The following HIRA variants were observed in gnomAD, a reference collection of about 807,000 sequenced individuals.
HIRA encodes protein HIRA.
A neutral mutation model predicts 126.6 loss-of-function variants in HIRA; 13 were observed. The ratio of observed to expected loss-of-function variants is 0.10; its 90% CI spans 0.07 to 0.16. HIRA has a LOEUF of 0.16. HIRA is among the 10% of genes least tolerant of loss of function. HIRA has a pLI of 1.00. For synonymous variants in HIRA, 511 were observed against 520.0 expected (o/e 0.98, Z 0.24); for missense variants, 834 against 1,314.4 (o/e 0.63, Z 5.65).
intron 3 of HIRA, 98 bp from the exon 4 acceptor site, chr22:19,407,372 T>C (rs2089316630): frequency 2.2e-6 from 2 of 908,758 alleles, no homozygotes; most frequent in East Asian, 2.5e-5. Context: ...TAAAATCTAA[T>C]CTATCTAATC....
chr22:19,418,414 G>C (rs985337238), intron 1 of HIRA, among the ~76,000 whole-genome samples: 2 of 151,870 alleles, frequency 1.3e-5, no homozygotes, highest in African/African-American at 2.4e-5. Flanking sequence ...CATGAGGTCA[G>C]GAGATTGAGA....
At chr22:19,421,861 G>A (rs907517887) in intron 1 of HIRA, among the ~76,000 whole-genome samples, 4 of 152,074 alleles carry the variant, frequency 2.6e-5, no homozygotes, top group African/African-American at 4.8e-5. Context: ...TAGTAGAGAC[G>A]CATTTTTGCC....
rs1224024599 is a variant in HIRA at position 19,405,786 on chromosome 22, C to T, written c.397G>A (p.Asp133Asn). ...CVSILRNHSGDVMDVAWSPHD... is the reference protein window; with the variant it reads ...CVSILRNHSGNVMDVAWSPHD... ...CACCCCAACAGGCAGTCCCACTCAC[C>T]GCCTGAATGATTCCGGAGGATAGAG... Residue 133 changes from aspartate to asparagine, a missense_variant and splice_region_variant, in exon 5 of 25, where the codon GAT becomes AAT. By Grantham distance (23) the Asp-to-Asn change is conservative. Transcript: ENST00000263208. 2 of 1,440,794 alleles carry T rather than the reference C, an allele frequency of 1.4e-6. No individual in the cohort carries two copies. The highest frequency in any genetic ancestry group is 1.8e-6 in the Non-Finnish European group (2 of 1,086,844). 89.3% of individuals were successfully genotyped at this position (1,440,794 alleles called of 1,614,324 possible). A position where few individuals can be genotyped will look rare whatever the true frequency, so the allele number is the denominator to read the frequency against.
intron 1 of HIRA, among the ~76,000 whole-genome samples, chr22:19,429,327 G>A (rs756515106): frequency 3.3e-5 from 5 of 151,816 alleles, no homozygotes; most frequent in Admixed American, 6.6e-5. Flanking sequence ...TAGTAGAGAC[G>A]GGGTTTCACC....
intron 24 of HIRA, among the ~76,000 whole-genome samples, chr22:19,335,037 A>G (rs2088549063): frequency 6.6e-6 from 1 of 152,134 alleles, no homozygotes; most frequent in South Asian, 2.1e-4. Flanking sequence ...GCTCTAGGGC[A>G]TATAACATAC....
At chr22:19,388,058 A>G (rs888531081) in intron 10 of HIRA, among the ~76,000 whole-genome samples, 7 of 152,192 alleles carry the variant, frequency 4.6e-5, no homozygotes, top group Non-Finnish European at 7.4e-5. Context: ...CTCCTTTACC[A>G]TATGTTCTGT....
intron 15 of HIRA, among the ~76,000 whole-genome samples, chr22:19,368,974 C>A (rs1297741391): frequency 1.3e-5 from 2 of 152,184 alleles, no homozygotes; most frequent in African/African-American, 2.4e-5. Flanking sequence ...GGGAACTGCA[C>A]CTCCCCAGCC....
chr22:19,369,373 C>T (rs2088943672), intron 15 of HIRA, among the ~76,000 whole-genome samples: 2 of 152,134 alleles, frequency 1.3e-5, no homozygotes, highest in Non-Finnish European at 2.9e-5. Context: ...AATGAAGGAA[C>T]AACAGCAGGA....
intron 1 of HIRA, among the ~76,000 whole-genome samples, chr22:19,420,416 T>C (rs1475655865): frequency 7.5e-6 from 1 of 133,124 alleles, no homozygotes; most frequent in East Asian, 2.2e-4. Flanking sequence ...CAGTGAGCCG[T>C]GATCACGCCA....
chr22:19,395,022 A>G (rs554789187), intron 7 of HIRA, among the ~76,000 whole-genome samples: 4 of 152,212 alleles, frequency 2.6e-5, no homozygotes, highest in Admixed American at 2.6e-4. Flanking sequence ...GCCTCACCCA[A>G]AGGGTGGTGA....
intron 13 of HIRA, among the ~76,000 whole-genome samples, chr22:19,381,516 T>C (rs759209212): frequency 3.3e-5 from 5 of 152,242 alleles, no homozygotes; most frequent in Non-Finnish European, 7.3e-5. Flanking sequence ...CCAAAACGCC[T>C]ATTAAGCATC....
chr22:19,415,369 T>C (rs909336979), intron 1 of HIRA, among the ~76,000 whole-genome samples: 5 of 152,334 alleles, frequency 3.3e-5, no homozygotes, highest in Middle Eastern at 3.4e-3. Context: ...GGAATAAACT[T>C]AGCCCAGGAG....
intron 1 of HIRA, among the ~76,000 whole-genome samples, chr22:19,430,807 A>T (rs543011911): frequency 6.6e-6 from 1 of 152,190 alleles, no homozygotes; most frequent in South Asian, 2.1e-4. Flanking sequence ...TGTGCTTTGG[A>T]GCCACTGCCA....
In HIRA at chr22:19,387,872, G is replaced by T. The variant is rs565328992; in HGVS notation, c.1008-56C>A. On this transcript the variant is annotated intron_variant, in intron 10 of 24. Coordinates refer to ENST00000263208, the MANE Select transcript of HIRA (RefSeq NM_003325.4). ...GCAAGAGCCCCAGGCAGACACATGTGCCGCAGTAGCTGGCCTGTGAGGATG... is the reference window on the plus strand; with the variant it reads ...GCAAGAGCCCCAGGCAGACACATGTTCCGCAGTAGCTGGCCTGTGAGGATG... The T allele has an allele frequency of 3.6e-5, 42 of 1,177,492 alleles. No individual in the cohort carries two copies. The East Asian group carries it at 1.1e-3, about 30-fold the overall frequency. The allele number at this position is 1,177,492 out of a possible 1,614,324, so 72.9% of individuals were successfully genotyped here. A position where few individuals can be genotyped will look rare whatever the true frequency, so the allele number is the denominator to read the frequency against.
At chr22:19,353,705 C>T (rs1359662106) in intron 22 of HIRA, among the ~76,000 whole-genome samples, 186 bp from the exon 23 acceptor site, 1 of 152,246 alleles carries the variant, frequency 6.6e-6, no homozygotes, top group Non-Finnish European at 1.5e-5. Flanking sequence ...ACGCCCCAGC[C>T]ATGTGCCTCC....
At chr22:19,402,461 T>A (rs2089276947) in intron 5 of HIRA, among the ~76,000 whole-genome samples, 1 of 152,220 alleles carries the variant, frequency 6.6e-6, no homozygotes, top group African/African-American at 2.4e-5. Context: ...TTTTTATCAT[T>A]AGATATTCTA....
intron 24 of HIRA, among the ~76,000 whole-genome samples, chr22:19,332,868 GA>G (rs2088508632): frequency 1.3e-5 from 2 of 151,502 alleles, no homozygotes; most frequent in South Asian, 4.2e-4. Flanking sequence ...AAATAAAATA[GA>G]AAACAAAGAT....
chr22:19,413,910 C>T (rs2089374706), intron 1 of HIRA, among the ~76,000 whole-genome samples: 1 of 152,050 alleles, frequency 6.6e-6, no homozygotes, highest in Non-Finnish European at 1.5e-5. Context: ...CCACCGTGCC[C>T]GGCCAGGAAT....
intron 18 of HIRA, 101 bp from the exon 19 acceptor site, chr22:19,357,152 G>A (rs569753443): frequency 2.2e-6 from 3 of 1,387,238 alleles, no homozygotes; most frequent in Non-Finnish European, 3.0e-6. Context: ...GGCCCAACAA[G>A]GGCCTCCCCT....
Sources: allele counts gnomAD v4.1 joint callset (sites outside exome capture counted in the v4.1 genomes callset), GRCh38; gene constraint gnomAD v4.1.1; transcripts MANE v1.5; gene names NCBI Gene and HGNC (gene_info 2026-07-23, HGNC 2026-07-21).